RBMS1: variants seen among roughly 807,000 people sequenced by gnomAD.
RBMS1 encodes RNA-binding motif, single-stranded-interacting protein 1.
In RBMS1, 17 loss-of-function variants were observed where a neutral mutation model predicts 62.3. That is an observed-to-expected ratio of 0.27 (90% CI 0.19 to 0.41). The LOEUF (loss-of-function observed/expected upper bound fraction) is 0.41. RBMS1 is among the 10% of genes least tolerant of loss of function. The pLI is 1.00. For synonymous variants in RBMS1, 172 were observed against 170.0 expected, an observed-to-expected ratio of 1.01 and a Z score of -0.09; for missense variants, 334 against 504.5, an observed-to-expected ratio of 0.66 and a Z score of 3.24.
At chr2:160,481,903 G>A (rs964486846) in intron 1 of RBMS1, among the ~76,000 whole-genome samples, 5 of 152,162 alleles carry the variant, frequency 3.3e-5, no homozygotes, top group East Asian at 1.9e-4. Flanking sequence ...TTGCTGGCAG[G>A]AGAAAACTGG....
chr2:160,391,040 T>C (rs1177623575), intron 1 of RBMS1, among the ~76,000 whole-genome samples: 1 of 151,860 alleles, frequency 6.6e-6, no homozygotes, highest in African/African-American at 2.4e-5. Flanking sequence ...TTGATGAATT[T>C]TGCCTAAATT....
intron 2 of RBMS1, among the ~76,000 whole-genome samples, chr2:160,324,811 T>G (rs1340658011): frequency 6.7e-6 from 1 of 148,644 alleles, no homozygotes; most frequent in Non-Finnish European, 1.5e-5. Flanking sequence ...ATAATAAAAG[T>G]AATTACTTAC....
At chr2:160,378,608 CTCTA>C (rs1209968460) in intron 1 of RBMS1, among the ~76,000 whole-genome samples, 1 of 139,726 alleles carries the variant, frequency 7.2e-6, no homozygotes. Flanking sequence ...CAAAGTAAGA[CTCTA>C]TCTATAAAAA....
At chr2:160,433,738 T>C (rs1682999948) in intron 1 of RBMS1, among the ~76,000 whole-genome samples, 1 of 152,232 alleles carries the variant, frequency 6.6e-6, no homozygotes, top group Non-Finnish European at 1.5e-5. Context: ...AGACTGTTCT[T>C]TTTCATATCA....
chr2:160,339,186 T>C (rs1254861974), intron 2 of RBMS1, among the ~76,000 whole-genome samples: 3 of 152,188 alleles, frequency 2.0e-5, no homozygotes, highest in African/African-American at 7.2e-5. Context: ...AAAAATTCTA[T>C]TGCATGTCAT....
chr2:160,379,895 C>T (rs79701763), intron 1 of RBMS1, among the ~76,000 whole-genome samples: 3,223 of 152,212 alleles, frequency 0.021, 122 homozygotes, highest in African/African-American at 0.072. Context: ...GAACAGAGAC[C>T]CAGGACCTCT....
At chr2:160,464,307 T>C (rs189247563) in intron 1 of RBMS1, among the ~76,000 whole-genome samples, 469 of 152,328 alleles carry the variant, frequency 3.1e-3, no homozygotes, top group Non-Finnish European at 4.7e-3. Context: ...AGAAAACTAC[T>C]ATGCAACAAA....
intron 1 of RBMS1, among the ~76,000 whole-genome samples, chr2:160,390,117 C>T (rs1293410058): frequency 6.6e-6 from 1 of 152,198 alleles, no homozygotes; most frequent in African/African-American, 2.4e-5. Flanking sequence ...TGCAACCCAT[C>T]CCTTTCTCAA....
intron 1 of RBMS1, among the ~76,000 whole-genome samples, chr2:160,383,525 T>C (rs1694402073): frequency 6.6e-6 from 1 of 150,798 alleles, no homozygotes; most frequent in Admixed American, 6.6e-5. Context: ...AATAGACAAA[T>C]AATAAGTATA....
intron 1 of RBMS1, among the ~76,000 whole-genome samples, chr2:160,465,312 A>G (rs951973832): frequency 6.6e-6 from 1 of 152,242 alleles, no homozygotes; most frequent in Admixed American, 6.5e-5. Flanking sequence ...AGCCACCAAT[A>G]GTCTTTGCAT....
intron 2 of RBMS1, among the ~76,000 whole-genome samples, chr2:160,331,842 A>C (rs1224741782): frequency 6.6e-6 from 1 of 152,204 alleles, no homozygotes; most frequent in African/African-American, 2.4e-5. Flanking sequence ...TGCAGTCACT[A>C]GAAGTTTTCT....
At chr2:160,399,234 T>G (rs775180378) in intron 1 of RBMS1, among the ~76,000 whole-genome samples, 1 of 152,228 alleles carries the variant, frequency 6.6e-6, no homozygotes, top group East Asian at 1.9e-4. Context: ...ACGAGAACTT[T>G]TGGAGGACAC....
At chr2:160,431,978 T>C (rs995194904) in intron 1 of RBMS1, among the ~76,000 whole-genome samples, 1 of 152,200 alleles carries the variant, frequency 6.6e-6, no homozygotes, top group Non-Finnish European at 1.5e-5. Context: ...ATAAAAGCTC[T>C]TTGAGAAACG....
At chr2:160,349,642 C>A (rs1429121446) in intron 2 of RBMS1, among the ~76,000 whole-genome samples, 1 of 151,740 alleles carries the variant, frequency 6.6e-6, no homozygotes, top group African/African-American at 2.4e-5. Flanking sequence ...GTTTGGCTAT[C>A]AAGATAAAAA....
intron 1 of RBMS1, among the ~76,000 whole-genome samples, chr2:160,479,628 G>C (rs935028428): frequency 2.0e-5 from 3 of 152,108 alleles, no homozygotes; most frequent in East Asian, 1.9e-4. Flanking sequence ...GTTATGCCCA[G>C]ACCCTCCCCA....
chr2:160,377,165 A>G (rs1694045728), intron 1 of RBMS1, among the ~76,000 whole-genome samples: 1 of 152,142 alleles, frequency 6.6e-6, no homozygotes, highest in Non-Finnish European at 1.5e-5. Context: ...TCCTATATAC[A>G]TAAATAGGCA....
intron 1 of RBMS1, among the ~76,000 whole-genome samples, chr2:160,431,952 T>A (rs991865131): frequency 5.3e-5 from 8 of 152,204 alleles, no homozygotes; most frequent in Non-Finnish European, 1.2e-4. Context: ...TTAATGTCCA[T>A]CCTTTCTGCC....
intron 2 of RBMS1, among the ~76,000 whole-genome samples, chr2:160,352,725 A>G (rs1692587458): frequency 6.6e-6 from 1 of 152,078 alleles, no homozygotes; most frequent in African/African-American, 2.4e-5. Flanking sequence ...ATCATGCTCA[A>G]ACAAATGCCA....
At chr2:160,454,842 T>C (rs950896064) in intron 1 of RBMS1, among the ~76,000 whole-genome samples, 3 of 152,210 alleles carry the variant, frequency 2.0e-5, no homozygotes, top group Non-Finnish European at 4.4e-5. Context: ...GCAATTGAAA[T>C]TTCTTTTAGG....
Sources: allele counts gnomAD v4.1 joint callset (sites outside exome capture counted in the v4.1 genomes callset), GRCh38; gene constraint gnomAD v4.1.1; transcripts MANE v1.5; gene names NCBI Gene and HGNC (gene_info 2026-07-23, HGNC 2026-07-21).